Variants in ADGRB1 observed in about 807,000 individuals in gnomAD.
The protein encoded by ADGRB1 is brain-specific angiogenesis inhibitor 1.
Under a neutral mutation model 175.7 loss-of-function variants are expected in ADGRB1, and 36 were observed. The observed-to-expected ratio is 0.20, with a 90% confidence interval of 0.16 to 0.27. The LOEUF (loss-of-function observed/expected upper bound fraction) is 0.27. Ranked by LOEUF, ADGRB1 falls within the 10% of genes least tolerant of loss-of-function variation. ADGRB1 has a pLI of 1.00. For synonymous variants in ADGRB1, 1,054 were observed against 979.4 expected, an observed-to-expected ratio of 1.08 and a Z score of -1.42; for missense variants, 1,731 against 2,255.3, an observed-to-expected ratio of 0.77 and a Z score of 4.71.
chr8:142,479,756 G>C lies in ADGRB1; in HGVS notation c.1790G>C (p.Gly597Ala). ...GTGATCTGGAAGGAGACCCCAGCGG[G>C]AGAGGTGGCTGCTGTCCGGTGTCCC... The part of the protein sequence containing the change: ...GAVIWKETPA[G>A]EVAAVRCPRN... The change falls in exon 9 of 31, where the codon GGA becomes GCA. Residue 597 changes from glycine to alanine, a missense_variant. Gly to Ala is a moderately conservative substitution (Grantham distance 60, BLOSUM62 0). Transcript: ENST00000517894. 1.2e-6 allele frequency: 2 copies of C among 1,613,652 alleles called. No individual in the cohort carries two copies. The highest frequency in any genetic ancestry group is 1.7e-6 in the Non-Finnish European group (2 of 1,179,674).
rs748036705 is a variant in ADGRB1 at position 142,464,969 on chromosome 8, G to C, written c.771G>C (p.Gly257=). 3.2e-4 allele frequency: 483 copies of C among 1,513,898 alleles called. No individual in the cohort carries two copies. The highest frequency in any genetic ancestry group is 7.1e-4 in the Admixed American group (34 of 48,150). The allele number at this position is 1,513,898 out of a possible 1,614,324, so 93.8% of individuals were successfully genotyped here. A position where few individuals can be genotyped will look rare whatever the true frequency, so the allele number is the denominator to read the frequency against. Reference sequence around the variant, plus strand: ...CCAGCCTGACCCAGGACCGGGGCGGGCACGGCGCCACAGGTGAGTGACTGG... The same window carrying C: ...CCAGCCTGACCCAGGACCGGGGCGGCCACGGCGCCACAGGTGAGTGACTGG... ...CLTSLTQDRG[G]HGATGGWKLW... The change falls in exon 2 of 31, where the codon GGG becomes GGC. Residue 257 remains glycine, a synonymous_variant. Transcript: ENST00000517894.
intron 9 of ADGRB1, 43 bp from the exon 10 acceptor site, chr8:142,481,211 C>T (rs376892581): frequency 1.3e-6 from 2 of 1,578,300 alleles, no homozygotes; most frequent in African/African-American, 1.3e-5. Context: ...GATTCCTGGG[C>T]CAGGCAGCGG....
intron 22 of ADGRB1, among the ~76,000 whole-genome samples, chr8:142,523,615 G>A (rs1477649335): frequency 6.6e-6 from 1 of 152,068 alleles, no homozygotes; most frequent in East Asian, 1.9e-4. Flanking sequence ...GAGGGGATGG[G>A]GACATTGAAG....
At chr8:142,481,141 C>A in intron 9 of ADGRB1, 113 bp from the exon 10 acceptor site, 1 of 959,276 alleles carries the variant, frequency 1.0e-6, no homozygotes, top group East Asian at 2.5e-5. Context: ...TGGGCGAGTC[C>A]CTGTTTCTGG....
intron 23 of ADGRB1, 150 bp downstream of exon 23, chr8:142,524,454 GC>G: frequency 1.1e-6 from 1 of 888,294 alleles, no homozygotes; most frequent in Non-Finnish European, 1.7e-6. Flanking sequence ...GGGTGGGGGT[GC>G]CCACAGCCCC....
chr8:142,512,939 G>T (rs1357647817), intron 18 of ADGRB1, among the ~76,000 whole-genome samples: 1 of 152,112 alleles, frequency 6.6e-6, no homozygotes, highest in African/African-American at 2.4e-5. Context: ...GCACGAGGGG[G>T]AGGAAGCGGC....
At position 142,522,727 on chromosome 8, in the gene ADGRB1, G is replaced by T. The variant is rs1433236879; in HGVS notation, c.3245+17G>T. The T allele has an allele frequency of 2.0e-6, 3 of 1,487,292 alleles. No individual in the cohort carries two copies. In the Admixed American group the frequency reaches 8.1e-5, roughly 40 times the overall value. The allele number at this position is 1,487,292 out of a possible 1,614,324, so 92.1% of individuals were successfully genotyped here. On this transcript the variant is annotated intron_variant, in intron 22 of 30. Coordinates refer to ENST00000517894, the MANE Select transcript of ADGRB1 (RefSeq NM_001702.3). ...CATGAACTAGTGAGTCGGGGCATTG[G>T]GGGTGTGGTGGATGGCCACATGGCC...
In ADGRB1 at chr8:142,474,539, G is replaced by A. The variant is rs1443775650; in HGVS notation, c.785-935G>A. ...CCCCTGGTGCTGCTGCCCCTCTCTG[G>A]CCCACAGATGGCAGTGGCCCTCTCC... On this transcript the variant is annotated intron_variant, in intron 2 of 30. Coordinates refer to ENST00000517894, the MANE Select transcript of ADGRB1 (RefSeq NM_001702.3). This position sits in a 1 kb window ranked among gnomAD's most constrained non-coding sequence, Gnocchi z 5.8. Among the ~76,000 whole-genome samples, 1 of 152,154 alleles carries A rather than the reference G, an allele frequency of 6.6e-6. No individual in the cohort carries two copies. Among genetic ancestry groups the A allele is most frequent in the African/African-American group, 2.4e-5 (1 of 41,424 alleles).
intron 17 of ADGRB1, among the ~76,000 whole-genome samples, chr8:142,495,394 G>T (rs1229505246): frequency 1.3e-5 from 2 of 152,032 alleles, no homozygotes. Context: ...AAGATGGAAG[G>T]TGTCTGGAAG....
intron 25 of ADGRB1, 37 bp from the exon 26 acceptor site, chr8:142,536,950 G>T (rs368622328): frequency 2.6e-6 from 4 of 1,530,106 alleles, no homozygotes; most frequent in Non-Finnish European, 2.6e-6. Context: ...GGGTGGGGGC[G>T]TGGCTGCCAC....
chr8:142,517,880 G>A (rs1156878607), intron 18 of ADGRB1, among the ~76,000 whole-genome samples: 4 of 152,132 alleles, frequency 2.6e-5, no homozygotes, highest in South Asian at 2.1e-4. Flanking sequence ...ATCTGGCATC[G>A]GGCTTGGCAT....
At chr8:142,491,276 C>T (rs891718770) in intron 17 of ADGRB1, among the ~76,000 whole-genome samples, 3 of 152,240 alleles carry the variant, frequency 2.0e-5, no homozygotes, top group African/African-American at 7.2e-5. Flanking sequence ...TCTTCAGTGG[C>T]CATATATCCT....
At position 142,510,803 on chromosome 8, in the gene ADGRB1, C is replaced by T; in HGVS notation, c.2676-129C>T. On this transcript the variant is annotated intron_variant, in intron 17 of 30. Transcript: ENST00000517894. This position sits in a 1 kb window ranked among gnomAD's most constrained non-coding sequence, Gnocchi z 6.3. ...GGGCGGACGGGCGCGCGGCTGCGGGCGCAGGTGCGGGGCGGCGGGCCGGGG... is the reference window on the plus strand; with the variant it reads ...GGGCGGACGGGCGCGCGGCTGCGGGTGCAGGTGCGGGGCGGCGGGCCGGGG... The T allele has an allele frequency of 3.7e-6, 1 of 273,912 alleles. No individual in the cohort carries two copies. Among genetic ancestry groups the T allele is most frequent in the Non-Finnish European group, 5.4e-6 (1 of 183,588 alleles). The allele number at this position is 273,912 out of a possible 1,614,324, so 17.0% of individuals were successfully genotyped here.
In ADGRB1 at chr8:142,539,612, CCT is replaced by C. The variant is rs148215092; in HGVS notation, c.3706+200_3706+201del. Reference sequence around the variant, plus strand: ...CCCAGCCTTCCACCCCCGTCCACTTCCTGAGGCCGAAGGAGGGTCCATGGGGC... The same window carrying C: ...CCCAGCCTTCCACCCCCGTCCACTTCGAGGCCGAAGGAGGGTCCATGGGGC... On this transcript the variant is annotated intron_variant, in intron 27 of 30. Coordinates refer to ENST00000517894, the MANE Select transcript of ADGRB1 (RefSeq NM_001702.3). The C allele has an allele frequency of 2.3e-3, 1,489 of 643,826 alleles. 15 individuals are homozygous for C. The African/African-American group carries it at 0.024, about 10-fold the overall frequency. 39.9% of individuals were successfully genotyped at this position (643,826 alleles called of 1,614,324 possible). A position where few individuals can be genotyped will look rare whatever the true frequency, so the allele number is the denominator to read the frequency against.
intron 24 of ADGRB1, among the ~76,000 whole-genome samples, chr8:142,526,903 C>T (rs887848387): frequency 3.3e-5 from 5 of 152,232 alleles, no homozygotes; most frequent in Non-Finnish European, 7.3e-5. Context: ...GACACCCCGC[C>T]TCTGCCTGGC....
rs1842034271 is a variant in ADGRB1, at chr8:142,492,612, C to A, written c.2675+1797C>A. Among the ~76,000 whole-genome samples, 1 of 152,152 alleles carries A rather than the reference C, an allele frequency of 6.6e-6. No individual in the cohort carries two copies. Among genetic ancestry groups the A allele is most frequent in the South Asian group, 2.1e-4 (1 of 4,826 alleles). ...GGTGGGATTGGCAGGTCACACCAGGCTCCTGCCTTCTCTGCACCCCACATG... is the reference window on the plus strand; with the variant it reads ...GGTGGGATTGGCAGGTCACACCAGGATCCTGCCTTCTCTGCACCCCACATG... On this transcript the variant is annotated intron_variant, in intron 17 of 30. Transcript: ENST00000517894. The surrounding 1 kb of genome is among the most constrained non-coding windows in gnomAD (Gnocchi z 4.4).
chr8:142,526,781 GC>G (rs1844227805), intron 24 of ADGRB1, among the ~76,000 whole-genome samples, 154 bp downstream of exon 24: 3 of 152,192 alleles, frequency 2.0e-5, no homozygotes, highest in African/African-American at 7.2e-5. Context: ...GAGTACAGAG[GC>G]CCCTTAGGCT....
chr8:142,511,810 C>CCA lies in ADGRB1; in HGVS notation c.2817+737_2817+738insCA, dbSNP rs576361447. Among the ~76,000 whole-genome samples, 440 of 152,304 alleles carry CCA rather than the reference C, an allele frequency of 2.9e-3. 2 individuals carry two copies. Among genetic ancestry groups the CCA allele is most frequent in the African/African-American group, 0.01 (427 of 41,564 alleles). ...CACAGCCCTCTACTGGGGCCCAGGCCGAGGCCCAGGACAGCCCACAGAGCA... is the reference window on the plus strand; with the variant it reads ...CACAGCCCTCTACTGGGGCCCAGGCCCAGAGGCCCAGGACAGCCCACAGAGCA... On this transcript the variant is annotated intron_variant, in intron 18 of 30. Transcript: ENST00000517894. The surrounding 1 kb of genome is among the most constrained non-coding windows in gnomAD (Gnocchi z 4.5).
chr8:142,510,912 C>CCGG lies in ADGRB1; in HGVS notation c.2676-20_2676-19insCGG. ...GCTGACGCTCCGCCTGTCTCCCTCC[C>CCGG]GTGTCCCGCCCGCCCCCAGACCCTC... is the stretch of plus-strand genomic sequence containing the variant. On this transcript the variant is annotated intron_variant, in intron 17 of 30. Transcript: ENST00000517894. This position sits in a 1 kb window ranked among gnomAD's most constrained non-coding sequence, Gnocchi z 6.3. The CCGG allele has an allele frequency of 3.7e-6, 4 of 1,078,142 alleles. No individual in the cohort carries two copies. The highest frequency in any genetic ancestry group is 4.5e-6 in the Non-Finnish European group (4 of 882,952). 66.8% of individuals were successfully genotyped at this position (1,078,142 alleles called of 1,614,324 possible).
Sources: allele counts gnomAD v4.1 joint callset (sites outside exome capture counted in the v4.1 genomes callset), GRCh38; gene constraint gnomAD v4.1.1; non-coding constraint Gnocchi (gnomAD v3.1); transcripts MANE v1.5; gene names NCBI Gene and HGNC (gene_info 2026-07-23, HGNC 2026-07-21).